FMN2: variants seen among roughly 807,000 people sequenced by gnomAD.
FMN2 encodes the protein formin 2.
A neutral mutation model predicts 142.3 loss-of-function variants in FMN2; 51 were observed. That is an observed-to-expected ratio of 0.36 (90% confidence interval 0.29 to 0.45). The LOEUF (loss-of-function observed/expected upper bound fraction) is 0.45, where lower values mean the gene tolerates loss of function less well. Ranked by LOEUF, FMN2 falls within the 20% of genes least tolerant of loss-of-function variation. The pLI, the probability that FMN2 is intolerant of heterozygous loss-of-function variation, is 1.00. For synonymous variants in FMN2, 882 were observed against 869.8 expected (o/e 1.01, Z -0.25); for missense variants, 1,936 against 2,122.8 (o/e 0.91, Z 1.73).
In FMN2 at chr1:240,333,892, T is replaced by C. The variant is rs368399693; in HGVS notation, c.4590T>C (p.Asn1530=). 1 of 1,605,922 alleles carries C rather than the reference T, an allele frequency of 6.2e-7. No individual in the cohort carries two copies. Among genetic ancestry groups the C allele is most frequent in the Non-Finnish European group, 8.5e-7 (1 of 1,176,934 alleles). The change falls in exon 12 of 18, where the codon AAT becomes AAC. Residue 1530 remains asparagine, a synonymous_variant. Coordinates refer to ENST00000319653, the MANE Select transcript of FMN2 (RefSeq NM_020066.5). ...PKLKDVKSSD[N]SRSLLSYIVS... is the part of the protein sequence containing the mutation. ...ACTTTGGTCTTTCTGCCTAGGACAA[T>C]AGCAGAAGCCTTTTGTCATATATTG...
intron 16 of FMN2, among the ~76,000 whole-genome samples, chr1:240,455,960 G>A (rs1676226173): frequency 1.3e-5 from 2 of 149,448 alleles, no homozygotes; most frequent in Admixed American, 6.7e-5. Flanking sequence ...GGGTGACGGA[G>A]CGAGACTGTC....
chr1:240,299,111 C>G (rs1670099931), intron 8 of FMN2, among the ~76,000 whole-genome samples: 1 of 152,036 alleles, frequency 6.6e-6, no homozygotes, highest in South Asian at 2.1e-4. Context: ...CCACACCGGG[C>G]TAATTTTTGT....
chr1:240,098,160 G>A (rs796648115), intron 1 of FMN2, among the ~76,000 whole-genome samples: 12 of 141,254 alleles, frequency 8.5e-5, no homozygotes, highest in African/African-American at 3.3e-4. Context: ...GGAATGAAGT[G>A]GCGTGATCTT....
chr1:240,122,732 C>T (rs1013845235), intron 1 of FMN2, among the ~76,000 whole-genome samples: 5 of 152,088 alleles, frequency 3.3e-5, no homozygotes, highest in African/African-American at 9.6e-5. Flanking sequence ...GCTTCAGCAA[C>T]GTAGTGAGAC....
intron 8 of FMN2, among the ~76,000 whole-genome samples, chr1:240,311,224 T>A (rs148251341): frequency 6.6e-6 from 1 of 152,278 alleles, no homozygotes; most frequent in African/African-American, 2.4e-5. Flanking sequence ...ACCATAAACT[T>A]GAATCTGGAA....
At chr1:240,340,674 A>T (rs1209226841) in intron 13 of FMN2, among the ~76,000 whole-genome samples, 11 of 152,054 alleles carry the variant, frequency 7.2e-5, no homozygotes, top group Admixed American at 7.2e-4. Flanking sequence ...TATTTTGAAG[A>T]TATTTTTGTT....
chr1:240,246,089 A>G (rs918084054), intron 6 of FMN2, among the ~76,000 whole-genome samples: 7 of 152,202 alleles, frequency 4.6e-5, no homozygotes. Flanking sequence ...CTGAGGCAGG[A>G]GAATCACGTG....
intron 8 of FMN2, among the ~76,000 whole-genome samples, chr1:240,327,196 C>A (rs1364018007): frequency 6.6e-6 from 1 of 152,088 alleles, no homozygotes; most frequent in Non-Finnish European, 1.5e-5. Flanking sequence ...GTGAAATGTA[C>A]CTCCGTTACT....
At chr1:240,164,937 T>TA (rs1373486069) in intron 2 of FMN2, among the ~76,000 whole-genome samples, 1 of 152,204 alleles carries the variant, frequency 6.6e-6, no homozygotes, top group Non-Finnish European at 1.5e-5. Context: ...ATACATAAGT[T>TA]AGAGTTCTTC....
chr1:240,334,179 A>T lies in FMN2; in HGVS notation c.4715A>T (p.Lys1572Met), dbSNP rs1225420373. ...PQDLFQASQM[K>M]FEDFQKDLRK... ...GACCTTTTTCAGGCCTCACAGATGA[A>T]GTTTGAAGATTTTCAAAAAGATCTC... The change falls in exon 13 of 18, where the codon AAG (lysine) becomes ATG (methionine). Residue 1572 changes from lysine to methionine, a missense_variant. Physicochemically the swap from Lys to Met is moderately conservative, Grantham distance 95 (BLOSUM62 -1). Around this residue, in one of 8 missense-constraint regions of FMN2, gnomAD observed 322 missense variants for 401.6 expected, o/e 0.80. Transcript: ENST00000319653. The T allele has an allele frequency of 1.9e-6, 3 of 1,607,926 alleles. 1 individual carries two copies. The South Asian group carries it at 3.4e-5, about 18-fold the overall frequency.
chr1:240,217,421 G>C (rs1666947439), intron 6 of FMN2, among the ~76,000 whole-genome samples: 1 of 152,128 alleles, frequency 6.6e-6, no homozygotes, highest in South Asian at 2.1e-4. Flanking sequence ...TTTGACCAAA[G>C]ACATAAAATA....
intron 2 of FMN2, among the ~76,000 whole-genome samples, chr1:240,125,177 A>G (rs1053764491): frequency 2.6e-5 from 4 of 152,226 alleles, no homozygotes; most frequent in Non-Finnish European, 5.9e-5. Context: ...TACAGCCTGC[A>G]GTCTTCCTCA....
rs142700570 is a variant in FMN2 at position 240,142,475 on chromosome 1, ATATTTATT to A, written c.1782+19146_1782+19153del. Among the ~76,000 whole-genome samples, 12 of 146,242 alleles carry A rather than the reference ATATTTATT, an allele frequency of 8.2e-5. 1 individual carries two copies. Among genetic ancestry groups the A allele is most frequent in the African/African-American group, 2.5e-4 (10 of 39,658 alleles). ...TAGGACAAGTGGAGAAAACCTTTTC[ATATTTATT>A]TATTTATTTATTTATATTTTTTGGG... On this transcript the variant is annotated intron_variant, in intron 2 of 17. Transcript: ENST00000319653.
intron 2 of FMN2, among the ~76,000 whole-genome samples, chr1:240,133,549 A>C (rs1662823954): frequency 6.6e-6 from 1 of 152,062 alleles, no homozygotes; most frequent in African/African-American, 2.4e-5. Context: ...GCCTTTCAAT[A>C]CTTTCCCACT....
intron 7 of FMN2, among the ~76,000 whole-genome samples, chr1:240,265,520 T>C (rs1668767599): frequency 6.6e-6 from 1 of 152,154 alleles, no homozygotes; most frequent in Admixed American, 6.6e-5. Flanking sequence ...ATGCTTATTA[T>C]TGTAAGAGAG....
In FMN2 at chr1:240,439,087, A is replaced by G. The variant is rs531835460; in HGVS notation, c.5060+877A>G. On this transcript the variant is annotated intron_variant, in intron 16 of 17. Transcript: ENST00000319653. ...CAGGAGTTCAAGACCAGCCTGGCAAACTTGGCAAAACCCTGTCTGTACTAA... is the reference window on the plus strand; with the variant it reads ...CAGGAGTTCAAGACCAGCCTGGCAAGCTTGGCAAAACCCTGTCTGTACTAA... Among the ~76,000 whole-genome samples the G allele has an allele frequency of 4.6e-5, 7 of 151,956 alleles. No homozygotes were observed. In the South Asian group the frequency reaches 1.5e-3, roughly 32 times the overall value.
chr1:240,336,799 A>G (rs1323772021), intron 13 of FMN2, among the ~76,000 whole-genome samples: 1 of 152,142 alleles, frequency 6.6e-6, no homozygotes, highest in African/African-American at 2.4e-5. Flanking sequence ...ACTCTTCTTA[A>G]AAAATGGAAT....
At chr1:240,182,640 G>A (rs1002788448) in intron 3 of FMN2, among the ~76,000 whole-genome samples, 2 of 152,196 alleles carry the variant, frequency 1.3e-5, no homozygotes, top group Non-Finnish European at 1.5e-5. Flanking sequence ...TAGATCAAAC[G>A]AAAAGGAATT....
At chr1:240,455,005 C>T (rs953469050) in intron 16 of FMN2, among the ~76,000 whole-genome samples, 4 of 151,356 alleles carry the variant, frequency 2.6e-5, no homozygotes, top group African/African-American at 9.7e-5. Context: ...AAGCTTGGCT[C>T]CTACGTTTAA....
Sources: gnomAD v4.1 joint callset for allele counts (sites outside exome capture counted in the v4.1 genomes callset) on GRCh38, gnomAD v4.1.1 for gene constraint, gnomAD v4.1.1 regional missense constraint, MANE v1.5 for transcripts, NCBI Gene and HGNC (gene_info 2026-07-23, HGNC 2026-07-21) for gene names.